The following ADAM10 variants were observed in gnomAD, a reference collection of about 807,000 sequenced individuals.
ADAM10 encodes the protein disintegrin and metalloproteinase domain-containing protein 10.
A neutral mutation model predicts 90.1 loss-of-function variants in ADAM10; 17 were observed. The observed-to-expected ratio is 0.19, with a 90% CI of 0.13 to 0.28. The LOEUF is 0.28. ADAM10 is among the 10% of genes least tolerant of loss of function. ADAM10 has a pLI of 1.00. For synonymous variants in ADAM10, 310 were observed against 298.6 expected (o/e 1.04, Z -0.40); for missense variants, 610 against 914.3 (o/e 0.67, Z 4.29).
At chr15:58,599,779 A>G in intron 14 of ADAM10, 55 bp from the exon 15 acceptor site, 2 of 1,557,672 alleles carry the variant, frequency 1.3e-6, no homozygotes, top group Non-Finnish European at 1.8e-6. Flanking sequence ...AATATTTTAG[A>G]GTATCTTTTA....
chr15:58,595,007 G>A lies in ADAM10; in HGVS notation c.*2540C>T, dbSNP rs1339250526. 2.0e-5 allele frequency: 3 copies of A among 152,076 alleles called. No individual in the cohort carries two copies. Among genetic ancestry groups the A allele is most frequent in the African/African-American group, 7.2e-5 (3 of 41,418 alleles). 9.4% of individuals were successfully genotyped at this position (152,076 alleles called of 1,614,324 possible). A position where few individuals can be genotyped will look rare whatever the true frequency, so the allele number is the denominator to read the frequency against. On this transcript the variant is annotated 3_prime_UTR_variant, in exon 16 of 16. Transcript: ENST00000260408. ...TGTCAATTCTCTCCTTATTTGCTAT[G>A]AAGAGAAAAATGATGGCTCAAAATT...
chr15:58,599,067 T>C (rs1190917414), intron 15 of ADAM10, among the ~76,000 whole-genome samples: 1 of 150,910 alleles, frequency 6.6e-6, no homozygotes, highest in Non-Finnish European at 1.5e-5. Context: ...CACGCGCCTA[T>C]AGTCCCAGCT....
At chr15:58,704,433 G>A (rs1898222664) in intron 2 of ADAM10, among the ~76,000 whole-genome samples, 1 of 152,120 alleles carries the variant, frequency 6.6e-6, no homozygotes, top group African/African-American at 2.4e-5. Context: ...TTTAACTGAT[G>A]CCATAATGGG....
rs902956348 is a variant in ADAM10 at position 58,621,727 on chromosome 15, T to C, written c.1361-106A>G. 28 of 1,392,400 alleles carry C rather than the reference T, an allele frequency of 2.0e-5. No individual in the cohort carries two copies. The East Asian group carries it at 4.5e-4, about 22-fold the overall frequency. 86.3% of individuals were successfully genotyped at this position (1,392,400 alleles called of 1,614,324 possible). A position where few individuals can be genotyped will look rare whatever the true frequency, so the allele number is the denominator to read the frequency against. ...CATAACAAAGGGATAAAGGAAAACT[T>C]TGATGAATAAGTAGAACAAACTAGG... On this transcript the variant is annotated intron_variant, in intron 10 of 15. Coordinates refer to ENST00000260408, the MANE Select transcript of ADAM10 (RefSeq NM_001110.4).
At chr15:58,749,202 T>C (rs1449428117) in intron 1 of ADAM10, among the ~76,000 whole-genome samples, 11 of 151,948 alleles carry the variant, frequency 7.2e-5, no homozygotes. Flanking sequence ...CGACTTCGCT[T>C]CTCTGGGAGG....
At chr15:58,744,082 A>G (rs1215586426) in intron 1 of ADAM10, among the ~76,000 whole-genome samples, 1 of 152,174 alleles carries the variant, frequency 6.6e-6, no homozygotes, top group African/African-American at 2.4e-5. Flanking sequence ...TATTTGCTGT[A>G]CCTGCCTGGT....
At chr15:58,693,191 C>T (rs1897880142) in intron 2 of ADAM10, 3 of 702,172 alleles carry the variant, frequency 4.3e-6, no homozygotes, top group Admixed American at 3.6e-5. Flanking sequence ...TACACCTCTG[C>T]AGGCATCTTG....
At chr15:58,620,444 G>A (rs1895745593) in intron 11 of ADAM10, among the ~76,000 whole-genome samples, 1 of 151,558 alleles carries the variant, frequency 6.6e-6, no homozygotes, top group Non-Finnish European at 1.5e-5. Context: ...TCCAGCCTGG[G>A]TGACAGGTTT....
chr15:58,641,086 G>A (rs1404009574), intron 7 of ADAM10, 126 bp from the exon 8 acceptor site: 1 of 918,018 alleles, frequency 1.1e-6, no homozygotes, highest in Non-Finnish European at 1.7e-6. Flanking sequence ...CTGAATTAAG[G>A]CTTCTAAGGT....
chr15:58,725,832 A>C (rs1899010369), intron 1 of ADAM10, among the ~76,000 whole-genome samples: 1 of 152,154 alleles, frequency 6.6e-6, no homozygotes. Context: ...AATAACTTTC[A>C]CAAATGAAGG....
intron 9 of ADAM10, among the ~76,000 whole-genome samples, chr15:58,630,734 C>A (rs138999465): frequency 8.6e-4 from 131 of 152,114 alleles, no homozygotes; most frequent in African/African-American, 3.1e-3. Context: ...TTACTACAAA[C>A]GTATAAGAGA....
chr15:58,726,567 CA>C (rs71116593), intron 1 of ADAM10, among the ~76,000 whole-genome samples: 112 of 20,762 alleles, frequency 5.4e-3, no homozygotes, highest in African/African-American at 0.025. Context: ...CTCAGTCTCC[CA>C]AAAAAAAAAA....
chr15:58,612,848 G>T (rs1320028303), intron 11 of ADAM10, among the ~76,000 whole-genome samples: 1 of 152,196 alleles, frequency 6.6e-6, no homozygotes, highest in Non-Finnish European at 1.5e-5. Context: ...ACAGATCCTG[G>T]TGCTATAGGC....
chr15:58,617,064 G>A (rs1238812892), intron 11 of ADAM10, among the ~76,000 whole-genome samples: 2 of 151,990 alleles, frequency 1.3e-5, no homozygotes, highest in African/African-American at 2.4e-5. Flanking sequence ...AGCCGAGATT[G>A]CACCACTGCA....
At chr15:58,727,210 A>G (rs2470088) in intron 1 of ADAM10, among the ~76,000 whole-genome samples, 114,517 of 114,724 alleles carry the variant, frequency 1, 57,157 homozygotes, top group Middle Eastern at 1. Flanking sequence ...TTTTTTCCCA[A>G]AAACAGCGTT....
Position 58,726,057 on chromosome 15 carries a change from T to C in ADAM10, c.56-8330A>G, listed in dbSNP as rs150489038. Among the ~76,000 whole-genome samples, 651 of 152,312 alleles carry C rather than the reference T, an allele frequency of 4.3e-3. 7 individuals are homozygous for C. The highest frequency in any genetic ancestry group is 0.014 in the African/African-American group (597 of 41,580). On this transcript the variant is annotated intron_variant, in intron 1 of 15. Transcript: ENST00000260408. ...TCTCATTTTTAATCTCTTTCAAAGT[T>C]AAGCGAATACATTTTTTAAACACAC...
chr15:58,642,514 G>A (rs1269401967), intron 7 of ADAM10, among the ~76,000 whole-genome samples: 1 of 151,378 alleles, frequency 6.6e-6, no homozygotes, highest in Non-Finnish European at 1.5e-5. Flanking sequence ...ATATTTAAAT[G>A]GATTATTAAT....
intron 2 of ADAM10, among the ~76,000 whole-genome samples, chr15:58,687,179 T>C (rs879737944): frequency 1.2e-4 from 18 of 152,322 alleles, no homozygotes; most frequent in South Asian, 2.1e-4. Flanking sequence ...AATGGGAAGA[T>C]TGTTTTATTT....
rs1173105528 is a variant in ADAM10, at chr15:58,610,823, G to T, written c.1804+176C>A. 6 of 659,690 alleles carry T rather than the reference G, an allele frequency of 9.1e-6. No individual in the cohort carries two copies. The Admixed American group carries it at 1.0e-4, about 11-fold the overall frequency. 40.9% of individuals were successfully genotyped at this position (659,690 alleles called of 1,614,324 possible). On this transcript the variant is annotated intron_variant, in intron 13 of 15. Coordinates refer to ENST00000260408, the MANE Select transcript of ADAM10 (RefSeq NM_001110.4). ...TCTAGTTTATCATTTTTAAAACATT[G>T]TAGAGACCATAATAATAGAGACACA...
Sources: allele counts gnomAD v4.1 joint callset (sites outside exome capture counted in the v4.1 genomes callset), GRCh38; gene constraint gnomAD v4.1.1; transcripts MANE v1.5; gene names NCBI Gene and HGNC (gene_info 2026-07-23, HGNC 2026-07-21).